Variants in FRMPD2 observed in about 807,000 individuals in gnomAD.
FRMPD2 encodes the protein FERM and PDZ domain containing 2, also known as FERM and PDZ domain-containing protein 2.
Under a neutral mutation model 140.1 loss-of-function variants are expected in FRMPD2, and 96 were observed. That is an observed-to-expected ratio of 0.69 (90% CI 0.58 to 0.81). The LOEUF is 0.81. Ranked by LOEUF, FRMPD2 falls within the 40% of genes least tolerant of loss-of-function variation. The probability of loss-of-function intolerance (pLI) is 0.00; values close to 1 mark genes in which losing one functional copy is unlikely to be tolerated. For missense variants in FRMPD2, 1,240 were observed against 1,447.4 expected (o/e 0.86, Z 2.32); for synonymous variants, 449 against 547.6 (o/e 0.82, Z 2.52).
Position 48,190,520 on chromosome 10 carries a change from CCT to C in FRMPD2, c.2165+2162_2165+2163del, listed in dbSNP as rs199702301. On this transcript the variant is annotated intron_variant, in intron 16 of 28. Coordinates refer to ENST00000374201, the MANE Select transcript of FRMPD2 (RefSeq NM_001018071.4). ...CACACTTTGCCTGCTTCCCCAACTC[CCT>C]CTCTCTCTCACTCCTTCTTGGCATC... is the stretch of plus-strand genomic sequence containing the variant. 4.2e-3 allele frequency among the ~76,000 whole-genome samples: 633 copies of C among 152,192 alleles called. 2 individuals carry two copies. Among genetic ancestry groups the C allele is most frequent in the African/African-American group, 0.014 (597 of 41,510 alleles).
intron 16 of FRMPD2, among the ~76,000 whole-genome samples, chr10:48,191,820 C>T (rs969783647): frequency 6.6e-6 from 1 of 152,142 alleles, no homozygotes; most frequent in African/African-American, 2.4e-5. Flanking sequence ...TGTGAAGTTG[C>T]ATTTATAAGC....
At chr10:48,180,384 A>C (rs555107147) in intron 21 of FRMPD2, among the ~76,000 whole-genome samples, 51 of 152,256 alleles carry the variant, frequency 3.3e-4, no homozygotes, top group African/African-American at 1.2e-3. Context: ...TTCTTCCTCC[A>C]TGGGGTATGG....
intron 21 of FRMPD2, among the ~76,000 whole-genome samples, chr10:48,179,045 A>C (rs1220696001): frequency 6.7e-6 from 1 of 148,540 alleles, no homozygotes; most frequent in African/African-American, 2.5e-5. Flanking sequence ...ACAGGTAAGC[A>C]CTCAATTAAT....
Position 48,236,520 on chromosome 10 carries a change from C to T in FRMPD2, c.955G>A (p.Glu319Lys). The part of the protein sequence containing the change: ...SRPEFILLAG[E>K]APMTLHLPGS... ...GGCAGATGTAGTGTCATCGGGGCCTCTCCAGCCAACAGGATGAACTCTGGC... is the reference window on the plus strand; with the variant it reads ...GGCAGATGTAGTGTCATCGGGGCCTTTCCAGCCAACAGGATGAACTCTGGC... The change falls in exon 9 of 29, where the codon GAG becomes AAG. Residue 319 changes from glutamate to lysine, a missense_variant. This residue lies in a region of FRMPD2 where 1,161 missense variants were observed against 1,055.9 expected (regional missense o/e 1.10). Transcript: ENST00000374201. 1 of 1,614,210 alleles carries T rather than the reference C, an allele frequency of 6.2e-7. No homozygotes were observed.
Position 48,184,630 on chromosome 10 carries a change from G to A in FRMPD2, c.2520C>T (p.Asn840=). ...NHISLEGFTF[N]MAVRMIQNSP... ...AATTCTGGATCATCCTAACAGCCAT[G>A]TTGAATGTGAAGCCCTCCAGACTGA... Residue 840 remains asparagine, a synonymous_variant, in exon 20 of 29, where the codon AAC becomes AAT. Coordinates refer to ENST00000374201, the MANE Select transcript of FRMPD2 (RefSeq NM_001018071.4). 3 of 1,613,782 alleles carry A rather than the reference G, an allele frequency of 1.9e-6. No individual in the cohort carries two copies. The highest frequency in any genetic ancestry group is 2.5e-6 in the Non-Finnish European group (3 of 1,179,652).
At chr10:48,226,520 C>T (rs534819781) in intron 10 of FRMPD2, among the ~76,000 whole-genome samples, 1 of 152,188 alleles carries the variant, frequency 6.6e-6, no homozygotes, top group Non-Finnish European at 1.5e-5. Context: ...AAGTTAAAGG[C>T]ACTTTTAAGC....
chr10:48,201,141 C>A, intron 15 of FRMPD2, 87 bp downstream of exon 15: 1 of 988,296 alleles, frequency 1.0e-6, no homozygotes, highest in South Asian at 2.4e-5. Context: ...TTAGAGGTCC[C>A]CAGATCAATT....
chr10:48,225,741 C>G (rs1037853580), intron 10 of FRMPD2, among the ~76,000 whole-genome samples: 21 of 152,200 alleles, frequency 1.4e-4, no homozygotes, highest in African/African-American at 4.8e-4. Flanking sequence ...AAATGACAAG[C>G]CTTTTCCCAT....
intron 8 of FRMPD2, among the ~76,000 whole-genome samples, chr10:48,237,100 T>G (rs539474469): frequency 1.4e-5 from 2 of 144,488 alleles, no homozygotes; most frequent in South Asian, 2.2e-4. Flanking sequence ...ATTTTACAGG[T>G]GAGGAAGTTG....
chr10:48,271,030 G>C (rs898237048), intron 1 of FRMPD2, among the ~76,000 whole-genome samples: 1 of 152,092 alleles, frequency 6.6e-6, no homozygotes, highest in African/African-American at 2.4e-5. Context: ...ACACAAATCT[G>C]ACCATGTCAC....
intron 1 of FRMPD2, among the ~76,000 whole-genome samples, chr10:48,267,446 C>T (rs952241868): frequency 6.6e-6 from 1 of 152,052 alleles, no homozygotes; most frequent in Non-Finnish European, 1.5e-5. Flanking sequence ...GAGAAGAGAA[C>T]AAGAGAAATG....
chr10:48,192,177 T>C (rs913165576), intron 16 of FRMPD2, among the ~76,000 whole-genome samples: 1 of 152,226 alleles, frequency 6.6e-6, no homozygotes, highest in African/African-American at 2.4e-5. Context: ...AGGTTGGCCC[T>C]AGAGTGTTTA....
intron 12 of FRMPD2, among the ~76,000 whole-genome samples, chr10:48,214,113 A>G (rs1441100511): frequency 6.6e-6 from 1 of 152,184 alleles, no homozygotes; most frequent in Non-Finnish European, 1.5e-5. Context: ...GTCACTTACC[A>G]ATCAGTTTTC....
At chr10:48,209,735 C>A (rs995649728) in intron 13 of FRMPD2, among the ~76,000 whole-genome samples, 21 of 152,198 alleles carry the variant, frequency 1.4e-4, no homozygotes, top group Admixed American at 1.2e-3. Context: ...TGTTTATTAC[C>A]TTCCACCCTG....
intron 28 of FRMPD2, among the ~76,000 whole-genome samples, chr10:48,162,977 A>G (rs1837983913): frequency 6.7e-6 from 1 of 149,380 alleles, no homozygotes; most frequent in Non-Finnish European, 1.5e-5. Context: ...CTAGCAATAG[A>G]AACGAGGATG....
intron 1 of FRMPD2, among the ~76,000 whole-genome samples, chr10:48,267,981 C>T (rs1304165279): frequency 6.6e-6 from 1 of 152,158 alleles, no homozygotes; most frequent in Non-Finnish European, 1.5e-5. Context: ...AGGTGCCATG[C>T]TTAATATGGA....
At chr10:48,273,876 T>C (rs958317225) in intron 1 of FRMPD2, among the ~76,000 whole-genome samples, 4 of 150,236 alleles carry the variant, frequency 2.7e-5, no homozygotes, top group African/African-American at 4.9e-5. Context: ...CTGAACTCAA[T>C]TGTTGCTTTA....
At chr10:48,223,409 C>T in intron 10 of FRMPD2, 139 bp from the exon 11 acceptor site, 1 of 684,412 alleles carries the variant, frequency 1.5e-6, no homozygotes, top group Non-Finnish European at 2.2e-6. Context: ...TCTTTGCGTA[C>T]CTGGTAGCAA....
At chr10:48,193,239 A>C (rs889218424) in intron 15 of FRMPD2, among the ~76,000 whole-genome samples, 7 of 152,142 alleles carry the variant, frequency 4.6e-5, no homozygotes, top group Admixed American at 2.0e-4. Flanking sequence ...CAGCTGCCCC[A>C]TCCCCTTCTG....
Sources: gnomAD v4.1 joint callset for allele counts (sites outside exome capture counted in the v4.1 genomes callset) on GRCh38, gnomAD v4.1.1 for gene constraint, gnomAD v4.1.1 regional missense constraint, MANE v1.5 for transcripts, NCBI Gene and HGNC (gene_info 2026-07-23, HGNC 2026-07-21) for gene names.